Variants in PRKN observed in about 807,000 individuals in gnomAD.
PRKN encodes the protein parkin RBR E3 ubiquitin protein ligase.
A neutral mutation model predicts 59.5 loss-of-function variants in PRKN; 56 were observed. That is an observed-to-expected ratio of 0.94 (90% confidence interval 0.76 to 1.18). The LOEUF (loss-of-function observed/expected upper bound fraction) is 1.18. PRKN is among the 50% of genes most tolerant of loss of function. The pLI, the probability that PRKN is intolerant of heterozygous loss-of-function variation, is 0.00. For synonymous variants in PRKN, 250 were observed against 222.1 expected, an observed-to-expected ratio of 1.13 and a Z score of -1.12; for missense variants, 657 against 596.4, an observed-to-expected ratio of 1.10 and a Z score of -1.06.
rs1226708773 is a variant in PRKN, at chr6:161,393,744, T to A, written c.1084-6867A>T. Reference sequence around the variant, plus strand: ...CCCTTAAAATAAGGCTTGATGATGATCTCTCTATGGAAGCCAAGATTTCTT... The same window carrying A: ...CCCTTAAAATAAGGCTTGATGATGAACTCTCTATGGAAGCCAAGATTTCTT... On this transcript the variant is annotated intron_variant, in intron 9 of 11. Coordinates refer to ENST00000366898, the MANE Select transcript of PRKN (RefSeq NM_004562.3). The surrounding 1 kb of genome is among the most constrained non-coding windows in gnomAD (Gnocchi z 4.7). Among the ~76,000 whole-genome samples, 1 of 151,166 alleles carries A rather than the reference T, an allele frequency of 6.6e-6. No homozygotes were observed. The highest frequency in any genetic ancestry group is 1.9e-4 in the East Asian group (1 of 5,170).
At chr6:161,846,121 T>G (rs547056250) in intron 6 of PRKN, among the ~76,000 whole-genome samples, 18 of 152,298 alleles carry the variant, frequency 1.2e-4, no homozygotes, top group South Asian at 4.1e-4. Context: ...GAGGGAGGAC[T>G]TATCCCTCAT....
intron 9 of PRKN, among the ~76,000 whole-genome samples, chr6:161,453,592 G>C (rs913122664): frequency 1.3e-5 from 2 of 152,134 alleles, no homozygotes; most frequent in Non-Finnish European, 2.9e-5. Context: ...TACAACATCA[G>C]CTCCTGCTCC....
chr6:162,122,386 T>C (rs754234002), intron 4 of PRKN, among the ~76,000 whole-genome samples: 29 of 152,180 alleles, frequency 1.9e-4, no homozygotes, highest in Non-Finnish European at 2.8e-4. Context: ...ACCCTTACAT[T>C]ATGCAGGAGG....
At chr6:161,841,203 A>T (rs78355200) in intron 6 of PRKN, among the ~76,000 whole-genome samples, 1,697 of 152,328 alleles carry the variant, frequency 0.011, 34 homozygotes, top group African/African-American at 0.038. Flanking sequence ...AGAAGGCTCC[A>T]TGAAACCCAT....
chr6:161,844,430 A>G (rs1228884178), intron 6 of PRKN, among the ~76,000 whole-genome samples: 1 of 152,196 alleles, frequency 6.6e-6, no homozygotes, highest in East Asian at 1.9e-4. Flanking sequence ...TGAAGACTCT[A>G]AGCCTGAAAG....
At chr6:161,975,085 CTTTTT>C (rs769121865) in intron 5 of PRKN, among the ~76,000 whole-genome samples, 10,219 of 124,188 alleles carry the variant, frequency 0.082, 294 homozygotes, top group Middle Eastern at 0.12. Flanking sequence ...ACATATACTT[CTTTTT>C]TTTTTTTTTT....
chr6:161,353,199 T>C lies in PRKN; in HGVS notation c.1286-2988A>G, dbSNP rs1776106418. Among the ~76,000 whole-genome samples the C allele has an allele frequency of 1.3e-5, 2 of 152,084 alleles. No individual in the cohort carries two copies. Among genetic ancestry groups the C allele is most frequent in the Admixed American group, 1.3e-4 (2 of 15,262 alleles). On this transcript the variant is annotated intron_variant, in intron 11 of 11. Coordinates refer to ENST00000366898, the MANE Select transcript of PRKN (RefSeq NM_004562.3). The surrounding 1 kb of genome is among the most constrained non-coding windows in gnomAD (Gnocchi z 4.8). ...AACAGGCGCCAGAAAAGAGAATCTC[T>C]CCCTCCGACCTTTCCTTGCCCTCCT...
chr6:162,359,500 T>G (rs1785040775), intron 2 of PRKN, among the ~76,000 whole-genome samples: 1 of 152,010 alleles, frequency 6.6e-6, no homozygotes, highest in Admixed American at 6.6e-5. Flanking sequence ...AATTTGCTAA[T>G]GAAATCTCCT....
chr6:161,740,686 T>C (rs1007590110), intron 7 of PRKN, among the ~76,000 whole-genome samples: 2 of 152,230 alleles, frequency 1.3e-5, no homozygotes, highest in African/African-American at 4.8e-5. Context: ...AGCTTTGCCA[T>C]AGACAGGTGT....
chr6:162,584,780 CCTCTCCT>C (rs1780943889), intron 1 of PRKN, among the ~76,000 whole-genome samples: 2 of 77,468 alleles, frequency 2.6e-5, no homozygotes, highest in Admixed American at 1.4e-4. Context: ...CTTTTCCTCT[CCTCTCCT>C]CTCCCCTCCC....
intron 2 of PRKN, among the ~76,000 whole-genome samples, chr6:162,308,523 T>C (rs770136729): frequency 1.3e-5 from 2 of 152,196 alleles, no homozygotes; most frequent in Non-Finnish European, 2.9e-5. Flanking sequence ...AAGAAGAGAT[T>C]GATGCAGGCA....
intron 7 of PRKN, among the ~76,000 whole-genome samples, chr6:161,727,669 C>T (rs1787500958): frequency 2.6e-5 from 4 of 152,284 alleles, no homozygotes; most frequent in Admixed American, 6.5e-5. Context: ...CCCTTTAAGC[C>T]TTCTGTGTCT....
At chr6:162,221,661 A>G (rs141405482) in intron 3 of PRKN, among the ~76,000 whole-genome samples, 1 of 152,190 alleles carries the variant, frequency 6.6e-6, no homozygotes, top group Non-Finnish European at 1.5e-5. Flanking sequence ...GCCTTATTTC[A>G]TTACTCAAAA....
intron 2 of PRKN, among the ~76,000 whole-genome samples, chr6:162,361,087 C>G (rs1785111903): frequency 6.6e-6 from 1 of 152,146 alleles, no homozygotes; most frequent in South Asian, 2.1e-4. Context: ...GGCTGTGAAA[C>G]AAGACAATCC....
Position 162,174,736 on chromosome 6 carries a change from T to C in PRKN, c.534+26395A>G, listed in dbSNP as rs532025609. On this transcript the variant is annotated intron_variant, in intron 4 of 11. Transcript: ENST00000366898. ...TCCCTTGTGCTTTGTTCTTGTTCAT[T>C]TAACACACAACTAGTCCCATTCATA... is the stretch of plus-strand genomic sequence containing the variant. Among the ~76,000 whole-genome samples, 10 of 152,304 alleles carry C rather than the reference T, an allele frequency of 6.6e-5. 1 individual carries two copies. The East Asian group carries it at 1.9e-3, about 29-fold the overall frequency.
intron 4 of PRKN, among the ~76,000 whole-genome samples, chr6:162,073,721 G>A (rs1778687873): frequency 6.6e-6 from 1 of 152,196 alleles, no homozygotes; most frequent in Non-Finnish European, 1.5e-5. Context: ...CAAAGTGCTG[G>A]GATTACAGGC....
At chr6:161,766,519 AG>A (rs1789430632) in intron 7 of PRKN, among the ~76,000 whole-genome samples, 1 of 152,150 alleles carries the variant, frequency 6.6e-6, no homozygotes, top group Non-Finnish European at 1.5e-5. Context: ...CATGTTGGCC[AG>A]GATGGTCTCG....
In PRKN at chr6:161,697,028, G is replaced by A. The variant is rs149886526; in HGVS notation, c.871+88744C>T. ...ACATAATGTAGCTTCCCTGTTCTCA[G>A]TGTTCCCTGGATCTGGCAGCACCTC... is the stretch of plus-strand genomic sequence containing the variant. On this transcript the variant is annotated intron_variant, in intron 7 of 11. Coordinates refer to ENST00000366898, the MANE Select transcript of PRKN (RefSeq NM_004562.3). 1.7e-3 allele frequency among the ~76,000 whole-genome samples: 261 copies of A among 152,310 alleles called. 1 individual carries two copies. The highest frequency in any genetic ancestry group is 6.2e-3 in the African/African-American group (256 of 41,564).
At position 162,340,353 on chromosome 6, in the gene PRKN, T is replaced by C. The variant is rs564617879; in HGVS notation, c.172-77588A>G. On this transcript the variant is annotated intron_variant, in intron 2 of 11. Coordinates refer to ENST00000366898, the MANE Select transcript of PRKN (RefSeq NM_004562.3). ...AAAGTTTAATTCATTGTTCTGAAAA[T>C]TGGATGAAAAAAGTGAACTTCTTAA... is the stretch of plus-strand genomic sequence containing the variant. Among the ~76,000 whole-genome samples, 20 of 152,238 alleles carry C rather than the reference T, an allele frequency of 1.3e-4. No individual in the cohort carries two copies. The South Asian group carries it at 1.4e-3, about 11-fold the overall frequency.
Sources: gnomAD v4.1 joint callset for allele counts (sites outside exome capture counted in the v4.1 genomes callset) on GRCh38, gnomAD v4.1.1 for gene constraint, Gnocchi (gnomAD v3.1) non-coding constraint, MANE v1.5 for transcripts, NCBI Gene and HGNC (gene_info 2026-07-23, HGNC 2026-07-21) for gene names.